CELA2A: variants seen among roughly 807,000 people sequenced by gnomAD.
CELA2A encodes the protein chymotrypsin-like elastase family member 2A.
A neutral mutation model predicts 35.3 loss-of-function variants in CELA2A; 31 were observed. The ratio of observed to expected loss-of-function variants is 0.88; its 90% CI spans 0.66 to 1.19. The LOEUF is 1.19. Ranked by LOEUF, CELA2A falls within the 50% of genes most tolerant of loss-of-function variation. The pLI, the probability that CELA2A is intolerant of heterozygous loss-of-function variation, is 0.00. For missense variants in CELA2A, 330 were observed against 352.9 expected, an observed-to-expected ratio of 0.94 and a Z score of 0.52; for synonymous variants, 150 against 149.8, an observed-to-expected ratio of 1.00 and a Z score of -0.01.
chr1:15,458,966 A>G (rs1308515363), intron 2 of CELA2A, among the ~76,000 whole-genome samples: 1 of 139,364 alleles, frequency 7.2e-6, no homozygotes, highest in Non-Finnish European at 1.5e-5. Flanking sequence ...AAGACTGTCA[A>G]CGATAGAATG....
intron 2 of CELA2A, among the ~76,000 whole-genome samples, chr1:15,458,070 G>A (rs923337170): frequency 2.0e-5 from 3 of 152,094 alleles, no homozygotes; most frequent in African/African-American, 7.2e-5. Flanking sequence ...AATTGGGACC[G>A]AGTAATTGAA....
At chr1:15,471,739 C>G (rs533376219) in intron 7 of CELA2A, among the ~76,000 whole-genome samples, 1 of 152,166 alleles carries the variant, frequency 6.6e-6, no homozygotes, top group South Asian at 2.1e-4. Context: ...TTCGAAGGCC[C>G]CCTACCCTGA....
At position 15,467,253 on chromosome 1, in the gene CELA2A, G is replaced by A. The variant is rs180895770; in HGVS notation, c.640-133G>A. 301 of 861,432 alleles carry A rather than the reference G, an allele frequency of 3.5e-4. 3 individuals are homozygous for A. In the African/African-American group the frequency reaches 3.9e-3, roughly 11 times the overall value. The allele number at this position is 861,432 out of a possible 1,614,324, so 53.4% of individuals were successfully genotyped here. On this transcript the variant is annotated intron_variant, in intron 6 of 7. Coordinates refer to ENST00000359621, the MANE Select transcript of CELA2A (RefSeq NM_033440.3). Reference sequence around the variant, plus strand: ...TTGTTGGAATTATGGTACCACCTTGGGCTATGACCACAAGGGTCAGCTTCC... The same window carrying A: ...TTGTTGGAATTATGGTACCACCTTGAGCTATGACCACAAGGGTCAGCTTCC...
At chr1:15,466,699 A>G (rs1021530357) in intron 6 of CELA2A, among the ~76,000 whole-genome samples, 1 of 152,126 alleles carries the variant, frequency 6.6e-6, no homozygotes, top group Non-Finnish European at 1.5e-5. Context: ...GACTGTCACT[A>G]TGTATCCTTT....
chr1:15,466,565 A>G (rs1280979752), intron 6 of CELA2A, among the ~76,000 whole-genome samples: 1 of 152,068 alleles, frequency 6.6e-6, no homozygotes, highest in Non-Finnish European at 1.5e-5. Flanking sequence ...CAAAAAAAAA[A>G]ACAAAAAAAC....
At chr1:15,467,826 T>A (rs752489858) in intron 7 of CELA2A, among the ~76,000 whole-genome samples, 1 of 152,138 alleles carries the variant, frequency 6.6e-6, no homozygotes, top group Non-Finnish European at 1.5e-5. Flanking sequence ...CCGTGGCTCA[T>A]GCCTGTAATC....
intron 2 of CELA2A, among the ~76,000 whole-genome samples, chr1:15,460,262 T>C (rs1708415809): frequency 6.6e-6 from 1 of 152,082 alleles, no homozygotes; most frequent in African/African-American, 2.4e-5. Context: ...ACGTATTATG[T>C]GGGCTAAATT....
intron 4 of CELA2A, chr1:15,463,114 G>C: frequency 1.4e-6 from 1 of 715,510 alleles, no homozygotes; most frequent in Non-Finnish European, 2.3e-6. Context: ...GCCCCTGTCC[G>C]CTGAGCATGT....
At chr1:15,459,670 G>T (rs1430584017) in intron 2 of CELA2A, among the ~76,000 whole-genome samples, 1 of 152,130 alleles carries the variant, frequency 6.6e-6, no homozygotes, top group Non-Finnish European at 1.5e-5. Context: ...AAGTATTCTT[G>T]CCTTGAGAAC....
chr1:15,457,341 G>A (rs1708376187), intron 2 of CELA2A, 167 bp downstream of exon 2: 4 of 666,166 alleles, frequency 6.0e-6, no homozygotes, highest in South Asian at 5.4e-5. Flanking sequence ...GCTGGGCGCA[G>A]TGGCTCATGC....
chr1:15,465,203 G>C (rs1187559486), intron 5 of CELA2A, among the ~76,000 whole-genome samples: 1 of 151,860 alleles, frequency 6.6e-6, no homozygotes, highest in African/African-American at 2.4e-5. Context: ...TAGAGGTGGG[G>C]TTTCACCATG....
chr1:15,461,443 A>G (rs1307117516), intron 2 of CELA2A, 118 bp from the exon 3 acceptor site: 3 of 1,011,818 alleles, frequency 3.0e-6, no homozygotes, highest in African/African-American at 3.2e-5. Context: ...AGTTGTGCAC[A>G]TGAGGCGACT....
chr1:15,463,575 G>A lies in CELA2A; in HGVS notation c.493+53G>A, dbSNP rs372472985. On this transcript the variant is annotated intron_variant, in intron 5 of 7. Transcript: ENST00000359621. ...CTGGGAGGGAAGGGAGGTGATTCAC[G>A]TCACCCCTGTCTGGCCGGGGCCTCT... 27 of 1,611,544 alleles carry A rather than the reference G, an allele frequency of 1.7e-5. No homozygotes were observed. In the East Asian group the frequency reaches 3.3e-4, roughly 20 times the overall value.
At chr1:15,461,157 C>G (rs577337597) in intron 2 of CELA2A, among the ~76,000 whole-genome samples, 5 of 152,202 alleles carry the variant, frequency 3.3e-5, no homozygotes, top group African/African-American at 1.2e-4. Context: ...GATTCAATTA[C>G]CTCCCACCAG....
rs1708424433 is a variant in CELA2A, at chr1:15,460,870, T to C, written c.130-691T>C. 3.7e-4 allele frequency among the ~76,000 whole-genome samples: 3 copies of C among 8,056 alleles called. No homozygotes were observed. In the South Asian group the frequency reaches 0.037, roughly 98 times the overall value. 5.3% of individuals were successfully genotyped at this position (8,056 alleles called of 152,430 possible). On this transcript the variant is annotated intron_variant, in intron 2 of 7. Coordinates refer to ENST00000359621, the MANE Select transcript of CELA2A (RefSeq NM_033440.3). ...TGGGCTATTTTTGTTGTAGAGACAA[T>C]GTATTTAGTCCTGCCTCACACGGCT...
In CELA2A at chr1:15,472,033, C is replaced by A; in HGVS notation, c.*26C>A. On this transcript the variant is annotated 3_prime_UTR_variant, in exon 8 of 8. Coordinates refer to ENST00000359621, the MANE Select transcript of CELA2A (RefSeq NM_033440.3). ...CCAAAAGAAGTCCCTGGGACTGTTTCAGACTTGGAAAGGTCACAGAAGGAA... is the reference window on the plus strand; with the variant it reads ...CCAAAAGAAGTCCCTGGGACTGTTTAAGACTTGGAAAGGTCACAGAAGGAA... 1 of 1,613,906 alleles carries A rather than the reference C, an allele frequency of 6.2e-7. No individual in the cohort carries two copies. Among genetic ancestry groups the A allele is most frequent in the South Asian group, 1.1e-5 (1 of 91,068 alleles).
intron 7 of CELA2A, among the ~76,000 whole-genome samples, chr1:15,469,337 C>T (rs1362553938): frequency 6.6e-6 from 1 of 152,110 alleles, no homozygotes; most frequent in Non-Finnish European, 1.5e-5. Flanking sequence ...TGAACTAGAC[C>T]AGGACTCCTC....
chr1:15,459,961 A>T (rs1358993019), intron 2 of CELA2A, among the ~76,000 whole-genome samples: 4 of 152,064 alleles, frequency 2.6e-5, no homozygotes, highest in African/African-American at 4.8e-5. Context: ...AAAAAAAAAA[A>T]AATACAAACA....
At chr1:15,464,566 G>A (rs1361194959) in intron 5 of CELA2A, among the ~76,000 whole-genome samples, 1 of 152,134 alleles carries the variant, frequency 6.6e-6, no homozygotes, top group Admixed American at 6.6e-5. Context: ...TAAGTATAAT[G>A]ACATGTTTTT....
Sources: gnomAD v4.1 joint callset for allele counts (sites outside exome capture counted in the v4.1 genomes callset) on GRCh38, gnomAD v4.1.1 for gene constraint, MANE v1.5 for transcripts, NCBI Gene and HGNC (gene_info 2026-07-23, HGNC 2026-07-21) for gene names.